The following PPM1E variants were observed in gnomAD, a reference collection of about 807,000 sequenced individuals.
PPM1E encodes the protein protein phosphatase 1E.
A neutral mutation model predicts 65.9 loss-of-function variants in PPM1E; 20 were observed. The ratio of observed to expected loss-of-function variants is 0.30; its 90% CI spans 0.21 to 0.44. The LOEUF (loss-of-function observed/expected upper bound fraction) is 0.44. Among genes scored for constraint, PPM1E ranks in the 20% least tolerant of loss-of-function variants. The pLI, the probability that PPM1E is intolerant of heterozygous loss-of-function variation, is 1.00. For missense variants in PPM1E, 713 were observed against 953.1 expected, an observed-to-expected ratio of 0.75 and a Z score of 3.32; for synonymous variants, 352 against 374.9, an observed-to-expected ratio of 0.94 and a Z score of 0.70.
At chr17:58,947,220 C>A (rs2052168691) in intron 1 of PPM1E, among the ~76,000 whole-genome samples, 1 of 138,920 alleles carries the variant, frequency 7.2e-6, no homozygotes, top group Admixed American at 7.5e-5. Context: ...CAAGTGTGAG[C>A]CACACTCCTG....
chr17:58,924,949 T>G (rs187913242), intron 1 of PPM1E, among the ~76,000 whole-genome samples: 32 of 152,328 alleles, frequency 2.1e-4, no homozygotes, highest in Non-Finnish European at 3.7e-4. Flanking sequence ...GGTGTATATG[T>G]ACCACATTTT....
chr17:58,819,502 A>G (rs1261043259), intron 1 of PPM1E, among the ~76,000 whole-genome samples: 2 of 152,182 alleles, frequency 1.3e-5, no homozygotes, highest in Non-Finnish European at 2.9e-5. Flanking sequence ...TACAAGAAGT[A>G]CTATAACTGT....
rs138387343 is a variant in PPM1E at position 58,983,272 on chromosome 17, T to C, written c.*2241T>C. Reference sequence around the variant, plus strand: ...CGTTATAAACCAATATTGTGAAAAATAGCAACTATTCATTTGTTCACAACA... The same window carrying C: ...CGTTATAAACCAATATTGTGAAAAACAGCAACTATTCATTTGTTCACAACA... On this transcript the variant is annotated 3_prime_UTR_variant, in exon 7 of 7. Transcript: ENST00000308249. 2.2e-4 allele frequency: 43 copies of C among 192,504 alleles called. No homozygotes were observed. The highest frequency in any genetic ancestry group is 1.0e-3 in the African/African-American group (43 of 42,950). The allele number at this position is 192,504 out of a possible 1,614,324, so 11.9% of individuals were successfully genotyped here. A position where few individuals can be genotyped will look rare whatever the true frequency, so the allele number is the denominator to read the frequency against.
intron 1 of PPM1E, among the ~76,000 whole-genome samples, chr17:58,824,786 T>G (rs2050516360): frequency 6.6e-6 from 1 of 151,378 alleles, no homozygotes; most frequent in Admixed American, 6.6e-5. Flanking sequence ...TTTTTTTTTT[T>G]TTCAGTAGTG....
intron 1 of PPM1E, among the ~76,000 whole-genome samples, chr17:58,766,382 A>G (rs1304223935): frequency 6.7e-6 from 1 of 150,142 alleles, no homozygotes; most frequent in East Asian, 2.0e-4. Context: ...TTGCATTTTT[A>G]GTAGAGACAG....
chr17:58,830,142 T>G (rs2050584881), intron 1 of PPM1E, among the ~76,000 whole-genome samples: 1 of 151,890 alleles, frequency 6.6e-6, no homozygotes, highest in Non-Finnish European at 1.5e-5. Flanking sequence ...ATCACTGCAC[T>G]CCAGCCTGGA....
At chr17:58,829,294 G>A (rs556054422) in intron 1 of PPM1E, among the ~76,000 whole-genome samples, 4 of 152,114 alleles carry the variant, frequency 2.6e-5, no homozygotes, top group South Asian at 2.1e-4. Context: ...CGTCTGCCTC[G>A]GCCTCCCAAA....
At chr17:58,790,545 G>A (rs116272587) in intron 1 of PPM1E, among the ~76,000 whole-genome samples, 6,145 of 152,196 alleles carry the variant, frequency 0.04, 249 homozygotes, top group African/African-American at 0.1. Flanking sequence ...GAATGTGGCA[G>A]AAATAAACAT....
At chr17:58,850,703 C>T (rs2050818250) in intron 1 of PPM1E, among the ~76,000 whole-genome samples, 1 of 152,212 alleles carries the variant, frequency 6.6e-6, no homozygotes, top group Admixed American at 6.5e-5. Context: ...TCTGGCTGCC[C>T]TTAACATTTT....
chr17:58,756,173 C>T lies in PPM1E; in HGVS notation c.176C>T (p.Ala59Val). Residue 59 changes from alanine (A) to valine (V), a missense_variant, in exon 1 of 7, where the codon GCC (alanine) becomes GTC (valine). Around this residue, in one of 6 missense-constraint regions of PPM1E, gnomAD observed 212 missense variants for 204.0 expected, o/e 1.04. Coordinates refer to ENST00000308249, the MANE Select transcript of PPM1E (RefSeq NM_014906.5). ...CCTGAACTGGTAGAAGCTGAGGCGG[C>T]CGAGGCTTCGGTAGAGGAACCCGGG... ...PEPELVEAEA[A>V]EASVEEPGEE... is the part of the protein sequence containing the mutation. 6.3e-7 allele frequency: 1 copy of T among 1,576,380 alleles called. No individual in the cohort carries two copies. The highest frequency in any genetic ancestry group is 8.6e-7 in the Non-Finnish European group (1 of 1,160,944).
intron 2 of PPM1E, among the ~76,000 whole-genome samples, chr17:58,959,167 G>A (rs2029945111): frequency 6.6e-6 from 1 of 151,822 alleles, no homozygotes; most frequent in African/African-American, 2.4e-5. Flanking sequence ...AAATTAGCCG[G>A]GTGTGGTGGC....
intron 1 of PPM1E, among the ~76,000 whole-genome samples, chr17:58,950,971 G>A (rs992877441): frequency 2.6e-4 from 40 of 151,856 alleles, no homozygotes; most frequent in Non-Finnish European, 4.7e-4. Flanking sequence ...GTAGAGACGG[G>A]GTTTCACTGT....
intron 1 of PPM1E, among the ~76,000 whole-genome samples, chr17:58,800,419 C>T (rs1193912276): frequency 1.3e-5 from 2 of 151,624 alleles, no homozygotes; most frequent in Admixed American, 6.6e-5. Flanking sequence ...TTTGTAATTT[C>T]TCCAGCTTTG....
At chr17:58,965,954 C>T (rs1191207635) in intron 3 of PPM1E, 61 bp downstream of exon 3, 1 of 1,507,374 alleles carries the variant, frequency 6.6e-7, no homozygotes, top group African/African-American at 1.4e-5. Flanking sequence ...CCTTCATGGT[C>T]CTGTTAGAAA....
At chr17:58,775,920 CAAAAAAAAA>C (rs1158158641) in intron 1 of PPM1E, among the ~76,000 whole-genome samples, 10 of 52,506 alleles carry the variant, frequency 1.9e-4, no homozygotes, top group African/African-American at 2.8e-4. Context: ...GACTCCGTCT[CAAAAAAAAA>C]AAAAAAAAAA....
chr17:58,825,085 G>T (rs985825028), intron 1 of PPM1E, among the ~76,000 whole-genome samples: 1 of 151,948 alleles, frequency 6.6e-6, no homozygotes, highest in East Asian at 1.9e-4. Flanking sequence ...TACTGCTCGG[G>T]TGATGAGTGC....
chr17:58,790,355 G>A lies in PPM1E; in HGVS notation c.464+33894G>A, dbSNP rs146912536. Reference sequence around the variant, plus strand: ...GGTGACATGAGCCACTGTGCCCAGCGCGGCTCTTGTCTTGAGTTTATGATC... The same window carrying A: ...GGTGACATGAGCCACTGTGCCCAGCACGGCTCTTGTCTTGAGTTTATGATC... On this transcript the variant is annotated intron_variant, in intron 1 of 6. Coordinates refer to ENST00000308249, the MANE Select transcript of PPM1E (RefSeq NM_014906.5). Among the ~76,000 whole-genome samples, 14 of 152,164 alleles carry A rather than the reference G, an allele frequency of 9.2e-5. No homozygotes were observed. In the East Asian group the frequency reaches 2.1e-3, roughly 23 times the overall value.
chr17:58,779,574 G>A (rs910107005), intron 1 of PPM1E, among the ~76,000 whole-genome samples: 7 of 152,030 alleles, frequency 4.6e-5, no homozygotes, highest in Non-Finnish European at 1.0e-4. Context: ...GCCTGAAGTT[G>A]GAAAAATGTC....
chr17:58,973,755 A>T (rs894302675), intron 6 of PPM1E, among the ~76,000 whole-genome samples: 7 of 152,102 alleles, frequency 4.6e-5, no homozygotes, highest in Non-Finnish European at 7.4e-5. Context: ...GATGGAGACC[A>T]TCCTGGCTAA....
Sources: gnomAD v4.1 joint callset for allele counts (sites outside exome capture counted in the v4.1 genomes callset) on GRCh38, gnomAD v4.1.1 for gene constraint, gnomAD v4.1.1 regional missense constraint, MANE v1.5 for transcripts, NCBI Gene and HGNC (gene_info 2026-07-23, HGNC 2026-07-21) for gene names.